AP3B2: variants seen among roughly 807,000 people sequenced by gnomAD.
AP3B2 encodes the protein AP-3 complex subunit beta-2.
In AP3B2, 50 loss-of-function variants were observed where a neutral mutation model predicts 126.9. The ratio of observed to expected loss-of-function variants is 0.39; its 90% CI spans 0.31 to 0.50. AP3B2 has a LOEUF of 0.50. AP3B2 is among the 20% of genes least tolerant of loss of function. The pLI, the probability that AP3B2 is intolerant of heterozygous loss-of-function variation, is 0.79. For synonymous variants in AP3B2, 541 were observed against 565.0 expected (o/e 0.96, Z 0.60); for missense variants, 1,177 against 1,426.4 (o/e 0.83, Z 2.82).
At chr15:82,670,019 A>C (rs1298604869) in intron 14 of AP3B2, among the ~76,000 whole-genome samples, 3 of 145,392 alleles carry the variant, frequency 2.1e-5, no homozygotes, top group Non-Finnish European at 3.0e-5. Context: ...AAAAAAAAAA[A>C]AAAAACCCAT....
In AP3B2 at chr15:82,677,860, C is replaced by G. The variant is rs1415612841; in HGVS notation, c.1246-57G>C. On this transcript the variant is annotated intron_variant, in intron 11 of 26. Transcript: ENST00000535359. ...ACTCTGCAGGCTTGAGGGTGACCTT[C>G]AAGAAGGCTGTGGCCTTTCATTTTA... 6 of 1,529,928 alleles carry G rather than the reference C, an allele frequency of 3.9e-6. No individual in the cohort carries two copies. The East Asian group carries it at 1.4e-4, about 35-fold the overall frequency. The allele number at this position is 1,529,928 out of a possible 1,614,324, so 94.8% of individuals were successfully genotyped here. A position where few individuals can be genotyped will look rare whatever the true frequency, so the allele number is the denominator to read the frequency against.
chr15:82,678,466 G>T (rs190795882), intron 10 of AP3B2, among the ~76,000 whole-genome samples: 1 of 152,154 alleles, frequency 6.6e-6, no homozygotes, highest in Admixed American at 6.5e-5. Context: ...TATTCACCAT[G>T]GTCTGTAAGT....
intron 14 of AP3B2, among the ~76,000 whole-genome samples, chr15:82,672,014 A>G (rs2048167315): frequency 6.6e-6 from 1 of 152,234 alleles, no homozygotes; most frequent in South Asian, 2.1e-4. Context: ...ATTGCACTCC[A>G]GCCTGGGTGA....
intron 1 of AP3B2, among the ~76,000 whole-genome samples, chr15:82,702,595 G>C (rs985447684): frequency 6.7e-6 from 1 of 148,326 alleles, no homozygotes; most frequent in Non-Finnish European, 1.5e-5. Context: ...TGCCCACCAA[G>C]GAACACCCCC....
Position 82,680,211 on chromosome 15 carries a change from C to T in AP3B2, c.1074G>A (p.Val358=). 1 of 1,613,614 alleles carries T rather than the reference C, an allele frequency of 6.2e-7. No homozygotes were observed. Reference sequence around the variant, plus strand: ...TGGACATGGTGGCCACGTTCTGGAGCACAACGTACTGCACCTCACTGCGGA... The same window carrying T: ...TGGACATGGTGGCCACGTTCTGGAGTACAACGTACTGCACCTCACTGCGGA... The part of the protein sequence containing the change: ...LRSHSEVQYV[V]LQNVATMSIK... Residue 358 remains valine (V), a synonymous_variant, in exon 9 of 27, where the codon GTG becomes GTA. Transcript: ENST00000535359. This position sits in a 1 kb window ranked among gnomAD's most constrained non-coding sequence, Gnocchi z 6.1.
At chr15:82,670,372 G>T (rs2048136391) in intron 14 of AP3B2, among the ~76,000 whole-genome samples, 1 of 152,108 alleles carries the variant, frequency 6.6e-6, no homozygotes, top group Non-Finnish European at 1.5e-5. Flanking sequence ...GGCCTCCCAA[G>T]ATGCTGGGAT....
Position 82,681,699 on chromosome 15 carries a change from G to C in AP3B2, c.361-119C>G. 8.7e-7 allele frequency: 1 copy of C among 1,143,660 alleles called. No homozygotes were observed. Among genetic ancestry groups the C allele is most frequent in the Non-Finnish European group, 1.2e-6 (1 of 819,946 alleles). 70.8% of individuals were successfully genotyped at this position (1,143,660 alleles called of 1,614,324 possible). ...ACTAGCTCTTGCTTCCCTGCCGCTT[G>C]ACTGGAGCCTGGATGGTGTGCCAGT... On this transcript the variant is annotated intron_variant, in intron 4 of 26. Transcript: ENST00000535359. The surrounding 1 kb of genome is among the most constrained non-coding windows in gnomAD (Gnocchi z 4.0).
At chr15:82,674,266 G>C (rs1015220785) in intron 14 of AP3B2, among the ~76,000 whole-genome samples, 1 of 152,174 alleles carries the variant, frequency 6.6e-6, no homozygotes, top group Non-Finnish European at 1.5e-5. Flanking sequence ...GGTCATGTGC[G>C]CATCCAAACC....
chr15:82,680,301 G>C lies in AP3B2; in HGVS notation c.1056-72C>G. On this transcript the variant is annotated intron_variant, in intron 8 of 26. Transcript: ENST00000535359. This position sits in a 1 kb window ranked among gnomAD's most constrained non-coding sequence, Gnocchi z 6.1. ...AAGGGTCAGCGGATGAGGGGAAAAG[G>C]TGGGGCAAGTCGTTGCGGGGAGAGG... 6.2e-7 allele frequency: 1 copy of C among 1,603,084 alleles called. No individual in the cohort carries two copies.
At chr15:82,677,522 A>G (rs1211222737) in intron 12 of AP3B2, 139 bp from the exon 13 acceptor site, 2 of 1,367,658 alleles carry the variant, frequency 1.5e-6, no homozygotes, top group Non-Finnish European at 2.0e-6. Context: ...TCAGAGGTGT[A>G]GGAACACTTG....
chr15:82,662,878 G>T lies in AP3B2; in HGVS notation c.2649C>A (p.His883Gln), dbSNP rs773299807. The change falls in exon 23 of 27, where the codon CAC becomes CAA. Residue 883 changes from histidine (H) to glutamine (Q), a missense_variant. His to Gln is a conservative substitution (Grantham distance 24). Around this residue, in one of 5 missense-constraint regions of AP3B2, gnomAD observed 587 missense variants for 571.3 expected, o/e 1.03. Transcript: ENST00000535359. ...CAGCCAGCCCCTCGCCAGCTACCCG[G>T]TGCAGCAGCTCCTGCCGCCCAACAC... is the stretch of plus-strand genomic sequence containing the variant. ...VSGVGRQELL[H>Q]RVAGEGLAVD... The T allele has an allele frequency of 3.7e-6, 6 of 1,613,486 alleles. No individual in the cohort carries two copies. In the East Asian group the frequency reaches 1.1e-4, roughly 30 times the overall value.
At chr15:82,662,437 C>T (rs761343332) in intron 23 of AP3B2, 185 bp from the exon 24 acceptor site, 3 of 647,158 alleles carry the variant, frequency 4.6e-6, no homozygotes, top group Admixed American at 5.6e-5. Context: ...CCCTTTCCCC[C>T]ACTCACCCTC....
At position 82,665,000 on chromosome 15, in the gene AP3B2, A is replaced by C. The variant is rs1010337803; in HGVS notation, c.2029-57T>G. ...CATCATGGTTGGGGAGAAGGCAGGC[A>C]GGCACAAGCCCTTACCCTTTATTCC... On this transcript the variant is annotated intron_variant, in intron 17 of 26. Transcript: ENST00000535359. The surrounding 1 kb of genome is among the most constrained non-coding windows in gnomAD (Gnocchi z 4.5). 9 of 1,357,594 alleles carry C rather than the reference A, an allele frequency of 6.6e-6. No homozygotes were observed. In the Admixed American group the frequency reaches 7.8e-5, roughly 12 times the overall value. 84.1% of individuals were successfully genotyped at this position (1,357,594 alleles called of 1,614,324 possible). A position where few individuals can be genotyped will look rare whatever the true frequency, so the allele number is the denominator to read the frequency against.
rs752677808 is a variant in AP3B2 at position 82,677,810 on chromosome 15, G to A, written c.1246-7C>T. ...CCATGCTGCGAATATAGGTCTGTGGGATATGACAAAGAAATCCCTCAGTGA... is the reference window on the plus strand; with the variant it reads ...CCATGCTGCGAATATAGGTCTGTGGAATATGACAAAGAAATCCCTCAGTGA... On this transcript the variant is annotated splice_polypyrimidine_tract_variant and splice_region_variant and intron_variant, in intron 11 of 26. Transcript: ENST00000535359. 36 of 1,583,944 alleles carry A rather than the reference G, an allele frequency of 2.3e-5. No homozygotes were observed. In the South Asian group the frequency reaches 3.0e-4, roughly 13 times the overall value.
In AP3B2 at chr15:82,688,644, C is replaced by T. The variant is rs758403230; in HGVS notation, c.360+92G>A. ...CAGGTAGGAAGGGGTCTGCAGAGCC[C>T]GCTCCCATGCTCATGGCCTCTCCCC... On this transcript the variant is annotated intron_variant, in intron 4 of 26. Transcript: ENST00000535359. 33 of 1,226,552 alleles carry T rather than the reference C, an allele frequency of 2.7e-5. No homozygotes were observed. In the Admixed American group the frequency reaches 3.6e-4, roughly 13 times the overall value. 76.0% of individuals were successfully genotyped at this position (1,226,552 alleles called of 1,614,324 possible).
At chr15:82,703,103 C>G (rs1366285825) in intron 1 of AP3B2, among the ~76,000 whole-genome samples, 2 of 152,196 alleles carry the variant, frequency 1.3e-5, no homozygotes, top group East Asian at 3.9e-4. Flanking sequence ...GCGCCGATCA[C>G]GGACTCAGGA....
At chr15:82,705,457 C>G (rs1163550246) in intron 1 of AP3B2, among the ~76,000 whole-genome samples, 2 of 152,074 alleles carry the variant, frequency 1.3e-5, no homozygotes, top group Non-Finnish European at 2.9e-5. Context: ...CTCCTCAATA[C>G]CTCCCTCCAC....
At chr15:82,676,149 C>T (rs566977034) in intron 14 of AP3B2, among the ~76,000 whole-genome samples, 1 of 152,264 alleles carries the variant, frequency 6.6e-6, no homozygotes, top group South Asian at 2.1e-4. Context: ...ACTGTTGGGC[C>T]CTTCCCTTAT....
intron 14 of AP3B2, among the ~76,000 whole-genome samples, chr15:82,670,589 A>T (rs933209495): frequency 3.9e-5 from 6 of 152,206 alleles, no homozygotes; most frequent in Non-Finnish European, 8.8e-5. Context: ...AACACTTCAA[A>T]CTATGAAACT....
Sources: gnomAD v4.1 joint callset for allele counts (sites outside exome capture counted in the v4.1 genomes callset) on GRCh38, gnomAD v4.1.1 for gene constraint, gnomAD v4.1.1 regional missense constraint, Gnocchi (gnomAD v3.1) non-coding constraint, MANE v1.5 for transcripts, NCBI Gene and HGNC (gene_info 2026-07-23, HGNC 2026-07-21) for gene names.